Variants in DOCK4 observed in about 807,000 individuals in gnomAD.
DOCK4 encodes dedicator of cytokinesis 4.
In DOCK4, 97 loss-of-function variants were observed where a neutral mutation model predicts 268.1. The observed-to-expected ratio is 0.36, with a 90% CI of 0.31 to 0.43. The LOEUF (loss-of-function observed/expected upper bound fraction) is 0.43, where lower values mean the gene tolerates loss of function less well. Ranked by LOEUF, DOCK4 falls within the 20% of genes least tolerant of loss-of-function variation. The pLI is 1.00. For missense variants in DOCK4, 2,145 were observed against 2,455.7 expected, an observed-to-expected ratio of 0.87 and a Z score of 2.67; for synonymous variants, 954 against 887.2, an observed-to-expected ratio of 1.08 and a Z score of -1.34.
At chr7:111,926,265 T>C (rs985027067) in intron 12 of DOCK4, among the ~76,000 whole-genome samples, 1 of 127,936 alleles carries the variant, frequency 7.8e-6, no homozygotes, top group African/African-American at 3.1e-5. Flanking sequence ...TAAAATACAA[T>C]GAATAAATAA....
intron 11 of DOCK4, among the ~76,000 whole-genome samples, chr7:111,936,887 G>C (rs1040948343): frequency 6.6e-6 from 1 of 152,250 alleles, no homozygotes; most frequent in East Asian, 1.9e-4. Flanking sequence ...TTAACAGTGG[G>C]ATATCTAAAT....
At chr7:112,009,332 T>A (rs1393627026) in intron 1 of DOCK4, among the ~76,000 whole-genome samples, 1 of 152,172 alleles carries the variant, frequency 6.6e-6, no homozygotes, top group East Asian at 1.9e-4. Context: ...CACTTATGAG[T>A]CAACTGCTTA....
chr7:111,861,271 AG>A (rs1022085089), intron 23 of DOCK4, among the ~76,000 whole-genome samples: 2 of 152,204 alleles, frequency 1.3e-5, no homozygotes, highest in Non-Finnish European at 2.9e-5. Context: ...AGAAATCGGA[AG>A]GTTGAACTTT....
intron 23 of DOCK4, among the ~76,000 whole-genome samples, chr7:111,854,357 A>C (rs372509256): frequency 9.8e-5 from 15 of 152,330 alleles, no homozygotes; most frequent in African/African-American, 3.6e-4. Context: ...TTACCAGTGC[A>C]TGCAGCCCCC....
In DOCK4 at chr7:111,802,762, C is replaced by A. The variant is rs60392432; in HGVS notation, c.3166+6059G>T. On this transcript the variant is annotated intron_variant, in intron 30 of 52. Transcript: ENST00000428084. Reference sequence around the variant, plus strand: ...TCTTTTTAATATGAAAAATTTCAAACGCACACAAAATCACAGAAAATAGTT... The same window carrying A: ...TCTTTTTAATATGAAAAATTTCAAAAGCACACAAAATCACAGAAAATAGTT... 3.9e-5 allele frequency among the ~76,000 whole-genome samples: 6 copies of A among 151,948 alleles called. No individual in the cohort carries two copies. The East Asian group carries it at 1.2e-3, about 29-fold the overall frequency.
intron 1 of DOCK4, among the ~76,000 whole-genome samples, chr7:112,202,768 A>C (rs761328307): frequency 5.3e-5 from 8 of 152,070 alleles, no homozygotes; most frequent in Non-Finnish European, 1.0e-4. Context: ...CTAAATTAAA[A>C]AAAAAAAAAT....
intron 16 of DOCK4, among the ~76,000 whole-genome samples, chr7:111,885,446 C>T (rs564073774): frequency 1.3e-5 from 2 of 152,298 alleles, no homozygotes; most frequent in East Asian, 3.9e-4. Context: ...AGTAAGAAGA[C>T]ACTGTCTTCT....
At chr7:111,763,823 C>T (rs1472994068) in intron 39 of DOCK4, among the ~76,000 whole-genome samples, 3 of 152,326 alleles carry the variant, frequency 2.0e-5, no homozygotes, top group African/African-American at 7.2e-5. Context: ...ACCTCCAAAA[C>T]GTAGTCTTTT....
chr7:111,872,456 A>G lies in DOCK4; in HGVS notation c.1842+11T>C. The G allele has an allele frequency of 6.4e-7, 1 of 1,560,604 alleles. No individual in the cohort carries two copies. The highest frequency in any genetic ancestry group is 1.2e-5 in the South Asian group (1 of 84,162). On this transcript the variant is annotated intron_variant, in intron 18 of 52. Coordinates refer to ENST00000428084, the MANE Select transcript of DOCK4 (RefSeq NM_001363540.2). ...TCTCTGCAAGGAAAATAGTAATGAAATACTATATACCTTTACTATCTCTGA... is the reference window on the plus strand; with the variant it reads ...TCTCTGCAAGGAAAATAGTAATGAAGTACTATATACCTTTACTATCTCTGA...
chr7:112,100,698 C>T (rs1810603146), intron 1 of DOCK4, among the ~76,000 whole-genome samples: 1 of 152,186 alleles, frequency 6.6e-6, no homozygotes, highest in Non-Finnish European at 1.5e-5. Context: ...ACTCAGAGCT[C>T]AGTGAATTCA....
intron 51 of DOCK4, 83 bp from the exon 52 acceptor site, chr7:111,732,370 CCAAA>C: frequency 7.0e-7 from 1 of 1,430,792 alleles, no homozygotes; most frequent in Non-Finnish European, 9.8e-7. Context: ...TGTTACAAAC[CCAAA>C]CAGATGATCC....
intron 1 of DOCK4, among the ~76,000 whole-genome samples, chr7:112,034,562 T>C (rs575313812): frequency 1.6e-4 from 25 of 152,292 alleles, no homozygotes; most frequent in African/African-American, 5.5e-4. Context: ...TGGAGTCAAG[T>C]TGAACCACGC....
chr7:111,796,131 C>G (rs1406103356), intron 30 of DOCK4, among the ~76,000 whole-genome samples: 1 of 152,160 alleles, frequency 6.6e-6, no homozygotes, highest in Non-Finnish European at 1.5e-5. Flanking sequence ...TGGGTGCTCC[C>G]CAGAGACCTT....
intron 44 of DOCK4, 83 bp from the exon 45 acceptor site, chr7:111,742,215 C>G (rs565544544): frequency 7.2e-7 from 1 of 1,387,176 alleles, no homozygotes; most frequent in Non-Finnish European, 9.5e-7. Flanking sequence ...CACTTTACTA[C>G]GCATTTCGCT....
At chr7:111,834,481 A>T in intron 26 of DOCK4, 107 bp downstream of exon 26, 1 of 879,168 alleles carries the variant, frequency 1.1e-6, no homozygotes, top group South Asian at 1.7e-5. Context: ...TTAGAACTTA[A>T]TGGAAACAGG....
chr7:111,735,258 T>C, intron 50 of DOCK4, 91 bp from the exon 51 acceptor site: 1 of 851,112 alleles, frequency 1.2e-6, no homozygotes, highest in Non-Finnish European at 1.8e-6. Context: ...TTATCCAGAA[T>C]GAAAAACTTA....
At chr7:111,731,859 AGT>A (rs552407724) in intron 52 of DOCK4, among the ~76,000 whole-genome samples, 85 of 151,570 alleles carry the variant, frequency 5.6e-4, no homozygotes, top group Admixed American at 4.4e-3. Context: ...TCTCAATCTA[AGT>A]GTGTGTGTGT....
intron 12 of DOCK4, among the ~76,000 whole-genome samples, chr7:111,925,744 TG>T (rs1793558361): frequency 6.6e-6 from 1 of 152,156 alleles, no homozygotes; most frequent in Admixed American, 6.5e-5. Context: ...AAATTTGGGA[TG>T]TATCTCCTCT....
At position 111,768,214 on chromosome 7, in the gene DOCK4, C is replaced by T. The variant is rs1426231399; in HGVS notation, c.3829-1096G>A. Among the ~76,000 whole-genome samples, 4 of 152,160 alleles carry T rather than the reference C, an allele frequency of 2.6e-5. No individual in the cohort carries two copies. In the South Asian group the frequency reaches 6.2e-4, roughly 24 times the overall value. On this transcript the variant is annotated intron_variant, in intron 37 of 52. Coordinates refer to ENST00000428084, the MANE Select transcript of DOCK4 (RefSeq NM_001363540.2). ...ACAGTGAGCCATTTGACCTGTGGAC[C>T]ATAGTTTGCAACCCCTGATCTAGCA...
Sources: allele counts gnomAD v4.1 joint callset (sites outside exome capture counted in the v4.1 genomes callset), GRCh38; gene constraint gnomAD v4.1.1; transcripts MANE v1.5; gene names NCBI Gene and HGNC (gene_info 2026-07-23, HGNC 2026-07-21).